TIAM1: variants seen among roughly 807,000 people sequenced by gnomAD.
The protein encoded by TIAM1 is TIAM Rac1 associated GEF 1.
A neutral mutation model predicts 163.5 loss-of-function variants in TIAM1; 65 were observed. The ratio of observed to expected loss-of-function variants is 0.40; its 90% CI spans 0.33 to 0.49. TIAM1 has a LOEUF of 0.49. Ranked by LOEUF, TIAM1 falls within the 20% of genes least tolerant of loss-of-function variation. TIAM1 has a pLI of 0.77. For missense variants in TIAM1, 1,789 were observed against 2,044.7 expected (o/e 0.87, Z 2.41); for synonymous variants, 833 against 810.1 (o/e 1.03, Z -0.48).
intron 1 of TIAM1, among the ~76,000 whole-genome samples, chr21:31,526,819 A>T (rs1176379309): frequency 6.6e-6 from 1 of 152,126 alleles, no homozygotes; most frequent in Non-Finnish European, 1.5e-5. Flanking sequence ...TTCCTGCCTC[A>T]ACCTCCCAAG....
At chr21:31,183,362 G>A (rs967093819) in intron 14 of TIAM1, among the ~76,000 whole-genome samples, 1 of 152,174 alleles carries the variant, frequency 6.6e-6, no homozygotes, top group Non-Finnish European at 1.5e-5. Flanking sequence ...ACACCAAGGT[G>A]CAGTTCAAAC....
intron 23 of TIAM1, among the ~76,000 whole-genome samples, chr21:31,134,900 A>T (rs2082559863): frequency 6.6e-6 from 1 of 152,206 alleles, no homozygotes; most frequent in African/African-American, 2.4e-5. Context: ...ATGAAGGCTA[A>T]GTCATTGAAA....
At chr21:31,513,206 A>G (rs1425396480) in intron 1 of TIAM1, among the ~76,000 whole-genome samples, 2 of 152,188 alleles carry the variant, frequency 1.3e-5, no homozygotes, top group Non-Finnish European at 2.9e-5. Context: ...TCCAGACACT[A>G]TTTTAAACCC....
At chr21:31,377,658 G>A (rs1046395228) in intron 2 of TIAM1, among the ~76,000 whole-genome samples, 2 of 152,072 alleles carry the variant, frequency 1.3e-5, no homozygotes, top group African/African-American at 4.8e-5. Flanking sequence ...TCACATTCCT[G>A]CTTTTTAAAG....
chr21:31,545,836 G>A (rs1329326856), intron 1 of TIAM1, among the ~76,000 whole-genome samples: 1 of 152,132 alleles, frequency 6.6e-6, no homozygotes, highest in East Asian at 1.9e-4. Flanking sequence ...GGAACACTTT[G>A]TGATTAATCT....
At chr21:31,252,261 G>A (rs894010157) in intron 4 of TIAM1, 72 bp from the exon 5 acceptor site, 40 of 1,507,442 alleles carry the variant, frequency 2.7e-5, no homozygotes, top group Non-Finnish European at 2.0e-5. Flanking sequence ...ACGTGGAGAA[G>A]AGCCCTGGGT....
intron 1 of TIAM1, among the ~76,000 whole-genome samples, chr21:31,479,487 GA>G (rs1789422391): frequency 6.6e-6 from 1 of 152,108 alleles, no homozygotes; most frequent in South Asian, 2.1e-4. Flanking sequence ...AAGGATGGAT[GA>G]GCGGCAGAGG....
chr21:31,281,007 T>C (rs1264147604), intron 2 of TIAM1, among the ~76,000 whole-genome samples: 1 of 137,830 alleles, frequency 7.3e-6, no homozygotes, highest in African/African-American at 2.8e-5. Context: ...CCCAGCTACT[T>C]GGGAGGCTGA....
intron 1 of TIAM1, among the ~76,000 whole-genome samples, chr21:31,520,287 C>T (rs1374087532): frequency 3.3e-5 from 5 of 150,086 alleles, no homozygotes; most frequent in Non-Finnish European, 7.4e-5. Flanking sequence ...GCTGAGATCG[C>T]GCCATTGCAC....
At chr21:31,265,618 A>G (rs1487439212) in intron 4 of TIAM1, among the ~76,000 whole-genome samples, 1 of 152,074 alleles carries the variant, frequency 6.6e-6, no homozygotes, top group Non-Finnish European at 1.5e-5. Context: ...GCTGCAGTGA[A>G]GAAATAAGTT....
intron 2 of TIAM1, among the ~76,000 whole-genome samples, chr21:31,291,584 C>A (rs544855627): frequency 6.6e-6 from 1 of 152,230 alleles, no homozygotes; most frequent in Admixed American, 6.5e-5. Context: ...AACACAATGG[C>A]GTGATCTCGG....
intron 1 of TIAM1, among the ~76,000 whole-genome samples, chr21:31,530,851 T>C (rs1028681650): frequency 6.6e-6 from 1 of 152,110 alleles, no homozygotes; most frequent in Admixed American, 6.6e-5. Flanking sequence ...CAGAATACAG[T>C]AGGATTGGCT....
intron 12 of TIAM1, among the ~76,000 whole-genome samples, chr21:31,196,704 C>T (rs1226720809): frequency 6.6e-6 from 1 of 152,084 alleles, no homozygotes; most frequent in Non-Finnish European, 1.5e-5. Context: ...TCTCAAAGAA[C>T]TTAGAACTAC....
intron 2 of TIAM1, among the ~76,000 whole-genome samples, chr21:31,422,436 G>T (rs1427179604): frequency 6.6e-6 from 1 of 152,166 alleles, no homozygotes; most frequent in Non-Finnish European, 1.5e-5. Flanking sequence ...GCATTAGAGT[G>T]CAGACTCCCA....
intron 13 of TIAM1, among the ~76,000 whole-genome samples, chr21:31,191,308 A>C (rs2085551971): frequency 6.6e-6 from 1 of 152,062 alleles, no homozygotes; most frequent in African/African-American, 2.4e-5. Context: ...GGTGTGTGTC[A>C]CCAAGCCCGT....
chr21:31,451,760 T>TGTGAGA lies in TIAM1; in HGVS notation c.-369+12222_-369+12223insTCTCAC, dbSNP rs1491328799. ...GTGTGTGTGTGTGTGTGTGTGTGTG[T>TGTGAGA]GAGACACAGAGAGAGAGAGAGAGAG... On this transcript the variant is annotated intron_variant, in intron 2 of 28. Coordinates refer to the TIAM1 transcript ENST00000286827. Among the ~76,000 whole-genome samples the TGTGAGA allele has an allele frequency of 2.2e-3, 300 of 138,194 alleles. 1 individual carries two copies. Among genetic ancestry groups the TGTGAGA allele is most frequent in the East Asian group, 6.6e-3 (33 of 4,972 alleles). 90.7% of individuals were successfully genotyped at this position (138,194 alleles called of 152,430 possible).
intron 16 of TIAM1, among the ~76,000 whole-genome samples, chr21:31,157,142 C>G (rs990899643): frequency 2.0e-5 from 3 of 152,158 alleles, no homozygotes; most frequent in Non-Finnish European, 4.4e-5. Flanking sequence ...AAGAAAAAAT[C>G]ACCACGCTTC....
intron 2 of TIAM1, among the ~76,000 whole-genome samples, chr21:31,350,250 C>T (rs1405056843): frequency 6.6e-6 from 1 of 152,120 alleles, no homozygotes; most frequent in African/African-American, 2.4e-5. Context: ...CCGACACTAA[C>T]CAGGTCCAAC....
chr21:31,213,611 C>A, intron 9 of TIAM1, 139 bp from the exon 10 acceptor site: 1 of 711,668 alleles, frequency 1.4e-6, no homozygotes, highest in Non-Finnish European at 2.4e-6. Context: ...AATCCCAAAG[C>A]AGGTACAATA....
Sources: gnomAD v4.1 joint callset for allele counts (sites outside exome capture counted in the v4.1 genomes callset) on GRCh38, gnomAD v4.1.1 for gene constraint, MANE v1.5 for transcripts, NCBI Gene and HGNC (gene_info 2026-07-23, HGNC 2026-07-21) for gene names.